ANO1: variants seen among roughly 807,000 people sequenced by gnomAD.
ANO1 encodes the protein anoctamin 1.
Under a neutral mutation model 124.0 loss-of-function variants are expected in ANO1, and 59 were observed. The observed-to-expected ratio is 0.48, with a 90% CI of 0.39 to 0.59. The LOEUF (loss-of-function observed/expected upper bound fraction) is 0.59. ANO1 is among the 20% of genes least tolerant of loss of function. The pLI, the probability that ANO1 is intolerant of heterozygous loss-of-function variation, is 0.00. For missense variants in ANO1, 1,059 were observed against 1,328.0 expected (o/e 0.80, Z 3.15); for synonymous variants, 529 against 532.0 (o/e 0.99, Z 0.08).
chr11:70,009,287 T>A (rs564179191), intron 1 of ANO1, among the ~76,000 whole-genome samples: 1 of 151,766 alleles, frequency 6.6e-6, no homozygotes, highest in Non-Finnish European at 1.5e-5. Flanking sequence ...TTGTGTGAGG[T>A]CAAGCATCTC....
intron 1 of ANO1, among the ~76,000 whole-genome samples, chr11:70,040,758 T>G (rs1280091772): frequency 6.6e-6 from 1 of 152,172 alleles, no homozygotes; most frequent in African/African-American, 2.4e-5. Flanking sequence ...GCACGATCTG[T>G]GAAGACAGGT....
chr11:70,186,307 AAGAAGGAGAAGGAG>A (rs2049115466), intron 25 of ANO1, among the ~76,000 whole-genome samples: 1 of 142,472 alleles, frequency 7.0e-6, no homozygotes, highest in Non-Finnish European at 1.5e-5. Flanking sequence ...AGAGAGAGAA[AAGAAGGAGAAGGAG>A]AGGAGGAGGA....
intron 1 of ANO1, among the ~76,000 whole-genome samples, chr11:70,040,262 CCTTACTAAGGTTTTGTGT>C (rs1297992807): frequency 3.9e-5 from 6 of 152,060 alleles, no homozygotes; most frequent in African/African-American, 4.8e-5. Context: ...GACCACAAAA[CCTTACTAAGGTTTTGTGT>C]CTTACTAAGG....
intron 8 of ANO1, among the ~76,000 whole-genome samples, chr11:70,120,637 G>A (rs887148315): frequency 1.3e-5 from 2 of 152,210 alleles, no homozygotes; most frequent in African/African-American, 4.8e-5. Context: ...GGCATGGAGG[G>A]TGAGAAGGAC....
chr11:70,146,357 T>G (rs578189839), intron 11 of ANO1, among the ~76,000 whole-genome samples: 1 of 152,260 alleles, frequency 6.6e-6, no homozygotes, highest in African/African-American at 2.4e-5. Flanking sequence ...ATGTGTAAAA[T>G]GCTAGTGCAC....
chr11:70,169,882 C>T, intron 21 of ANO1: 1 of 240,918 alleles, frequency 4.2e-6, no homozygotes, highest in Middle Eastern at 4.5e-4. Flanking sequence ...TACCGCCTGG[C>T]ACCAAACGCC....
the ANO1 span, among the ~76,000 whole-genome samples, chr11:69,967,649 G>A: frequency 4.6e-5 from 7 of 152,232 alleles, no homozygotes; most frequent in Non-Finnish European, 8.8e-5. Flanking sequence ...CCTGGCACCT[G>A]CTAAATGCTG....
intron 1 of ANO1, among the ~76,000 whole-genome samples, chr11:70,007,362 C>T (rs938356043): frequency 1.1e-4 from 16 of 150,876 alleles, no homozygotes; most frequent in Non-Finnish European, 1.9e-4. Context: ...CGGCAAGCTC[C>T]GCCTCCCGGG....
At chr11:70,097,522 G>C (rs189288266) in intron 2 of ANO1, among the ~76,000 whole-genome samples, 2 of 152,198 alleles carry the variant, frequency 1.3e-5, no homozygotes, top group East Asian at 3.8e-4. Context: ...CATCTTGCCC[G>C]CGTGCCCTCT....
intron 2 of ANO1, among the ~76,000 whole-genome samples, chr11:70,094,193 C>T (rs897185205): frequency 6.6e-6 from 1 of 152,186 alleles, no homozygotes; most frequent in South Asian, 2.1e-4. Context: ...AACCGCAAGT[C>T]CCCCTTGGAA....
At chr11:70,177,600 T>TC (rs1255625730) in intron 22 of ANO1, among the ~76,000 whole-genome samples, 11 of 133,866 alleles carry the variant, frequency 8.2e-5, no homozygotes, top group Admixed American at 2.2e-4. Flanking sequence ...TTTTCTTTTT[T>TC]TTTTTTTTTT....
chr11:70,168,467 C>T (rs2048336708), intron 21 of ANO1, among the ~76,000 whole-genome samples: 1 of 152,066 alleles, frequency 6.6e-6, no homozygotes, highest in East Asian at 1.9e-4. Context: ...ACAGCCTCAC[C>T]CCGTCATCCC....
At chr11:70,108,113 A>C in intron 5 of ANO1, 1 of 462,446 alleles carries the variant, frequency 2.2e-6, no homozygotes, top group Non-Finnish European at 3.9e-6. Context: ...GGGAGGTGAA[A>C]GATGGGAACT....
At chr11:70,107,191 T>C (rs1316503588) in intron 5 of ANO1, among the ~76,000 whole-genome samples, 4 of 152,130 alleles carry the variant, frequency 2.6e-5, no homozygotes, top group African/African-American at 9.7e-5. Context: ...GATTCCTTCC[T>C]TCATTCAGCA....
chr11:70,054,077 A>G (rs1440290829), intron 1 of ANO1, among the ~76,000 whole-genome samples: 1 of 151,882 alleles, frequency 6.6e-6, no homozygotes, highest in Non-Finnish European at 1.5e-5. Flanking sequence ...TCTATTTCAT[A>G]CTCTGTCTCC....
intron 1 of ANO1, among the ~76,000 whole-genome samples, chr11:69,991,545 C>A (rs17323291): frequency 0.18 from 27,768 of 152,170 alleles, 2,832 homozygotes; most frequent in Admixed American, 0.22. Flanking sequence ...GGGCAAGTAC[C>A]AGTTGTGAAC....
intron 8 of ANO1, among the ~76,000 whole-genome samples, chr11:70,118,334 T>G: frequency 6.6e-6 from 1 of 152,192 alleles, no homozygotes; most frequent in East Asian, 1.9e-4. Flanking sequence ...TACTGGGCAC[T>G]ACTCTGTGCC....
intron 16 of ANO1, among the ~76,000 whole-genome samples, chr11:70,159,570 C>T (rs558483042): frequency 6.6e-6 from 1 of 152,212 alleles, no homozygotes; most frequent in South Asian, 2.1e-4. Context: ...TGGTTGAGCA[C>T]CTAGGATGTG....
intron 1 of ANO1, among the ~76,000 whole-genome samples, chr11:70,019,237 A>ACCCCC (rs200316253): frequency 1.5e-5 from 1 of 68,680 alleles, no homozygotes; most frequent in Admixed American, 1.5e-4. Flanking sequence ...GGAAAGAAGA[A>ACCCCC]CCCCCCCACA....
Sources: gnomAD v4.1 joint callset for allele counts (sites outside exome capture counted in the v4.1 genomes callset) on GRCh38, gnomAD v4.1.1 for gene constraint, MANE v1.5 for transcripts, NCBI Gene and HGNC (gene_info 2026-07-23, HGNC 2026-07-21) for gene names.